The following PCLO variants were observed in gnomAD, a reference collection of about 807,000 sequenced individuals.
The protein encoded by PCLO is piccolo presynaptic cytomatrix protein.
In PCLO, 82 loss-of-function variants were observed where a neutral mutation model predicts 427.5. The observed-to-expected ratio is 0.19, with a 90% CI of 0.16 to 0.23. The LOEUF is 0.23. PCLO is among the 10% of genes least tolerant of loss of function. The pLI is 1.00. For missense variants in PCLO, 6,239 were observed against 6,115.9 expected (o/e 1.02, Z -0.67); for synonymous variants, 2,357 against 2,155.4 (o/e 1.09, Z -2.59).
At chr7:82,914,114 A>C (rs893396235) in intron 7 of PCLO, among the ~76,000 whole-genome samples, 1 of 151,928 alleles carries the variant, frequency 6.6e-6, no homozygotes, top group African/African-American at 2.4e-5. Flanking sequence ...GAAATCTTTT[A>C]TTTAAGGAAA....
chr7:83,046,589 C>T (rs1168695323), intron 3 of PCLO, among the ~76,000 whole-genome samples: 1 of 151,980 alleles, frequency 6.6e-6, no homozygotes, highest in Non-Finnish European at 1.5e-5. Context: ...GATCTTAATA[C>T]TATTTTGTTT....
chr7:82,897,122 AC>A (rs1793923502), intron 9 of PCLO, among the ~76,000 whole-genome samples: 1 of 151,636 alleles, frequency 6.6e-6, no homozygotes, highest in East Asian at 1.9e-4. Context: ...TACAGTAAGT[AC>A]AAGATTTTGT....
Position 82,756,486 on chromosome 7 carries a change from GT to G in PCLO, c.*2088del, listed in dbSNP as rs1790321088. 2 of 152,022 alleles carry G rather than the reference GT, an allele frequency of 1.3e-5. No individual in the cohort carries two copies. Among genetic ancestry groups the G allele is most frequent in the Admixed American group, 1.3e-4 (2 of 15,228 alleles). 9.4% of individuals were successfully genotyped at this position (152,022 alleles called of 1,614,324 possible). A position where few individuals can be genotyped will look rare whatever the true frequency, so the allele number is the denominator to read the frequency against. ...GGATTAAAAAATAGAGGGAAGAAAAGTTATGGTTATCTTTCTCAGTTTGGGG... is the reference window on the plus strand; with the variant it reads ...GGATTAAAAAATAGAGGGAAGAAAAGTATGGTTATCTTTCTCAGTTTGGGG... On this transcript the variant is annotated 3_prime_UTR_variant, in exon 25 of 25. Transcript: ENST00000333891.
intron 3 of PCLO, among the ~76,000 whole-genome samples, chr7:83,090,956 G>A (rs1790362783): frequency 6.6e-6 from 1 of 152,060 alleles, no homozygotes; most frequent in Admixed American, 6.5e-5. Context: ...TTTATATACA[G>A]TGTACTTTTT....
intron 3 of PCLO, among the ~76,000 whole-genome samples, chr7:83,021,225 C>T (rs1583915983): frequency 6.6e-6 from 1 of 152,218 alleles, no homozygotes; most frequent in South Asian, 2.1e-4. Flanking sequence ...AGGGTTTCTC[C>T]CATTTCCTTA....
intron 2 of PCLO, among the ~76,000 whole-genome samples, chr7:83,142,542 T>C (rs1791886939): frequency 6.6e-6 from 1 of 152,344 alleles, no homozygotes; most frequent in Non-Finnish European, 1.5e-5. Flanking sequence ...TCAATGAACA[T>C]CTGCTGTTTT....
intron 8 of PCLO, among the ~76,000 whole-genome samples, chr7:82,905,334 C>T (rs369928838): frequency 6.6e-6 from 1 of 152,008 alleles, no homozygotes; most frequent in East Asian, 1.9e-4. Context: ...CTTTACTTCA[C>T]ACACGGAAGA....
chr7:82,915,806 C>G lies in PCLO; in HGVS notation c.12180G>C (p.Ala4060=). The change falls in exon 7 of 25, where the codon GCG becomes GCC. Residue 4060 remains alanine, a synonymous_variant. Transcript: ENST00000333891. ...DDIGEITKGT[A]ALSTAFSLHE... ...GAAGGCTAAATGCGGTGCTTAATGC[C>G]GCTGTTCCTTTGGTGATCTCTCCAA... The G allele has an allele frequency of 6.2e-7, 1 of 1,612,846 alleles. No individual in the cohort carries two copies. The highest frequency in any genetic ancestry group is 1.7e-4 in the Middle Eastern group (1 of 6,052).
chr7:82,823,082 A>G (rs1791836786), intron 19 of PCLO, among the ~76,000 whole-genome samples: 1 of 152,170 alleles, frequency 6.6e-6, no homozygotes, highest in Admixed American at 6.5e-5. Context: ...TTAAGTGTGG[A>G]GATTGTAGAA....
chr7:83,128,462 G>A (rs1276235432), intron 3 of PCLO, among the ~76,000 whole-genome samples: 1 of 152,094 alleles, frequency 6.6e-6, no homozygotes, highest in Non-Finnish European at 1.5e-5. Context: ...CACGTGACCA[G>A]TGACTATTAT....
intron 22 of PCLO, among the ~76,000 whole-genome samples, chr7:82,795,022 C>A (rs1247005917): frequency 6.6e-6 from 1 of 151,710 alleles, no homozygotes; most frequent in Admixed American, 6.6e-5. Context: ...AGGAAATTGC[C>A]CCTCATATTC....
At chr7:83,153,087 T>C (rs1792177753) in intron 2 of PCLO, among the ~76,000 whole-genome samples, 1 of 151,816 alleles carries the variant, frequency 6.6e-6, no homozygotes, top group Admixed American at 6.6e-5. Context: ...TCTGAAGTCA[T>C]TATTACTTCA....
chr7:83,064,392 T>C (rs1411358280), intron 3 of PCLO, among the ~76,000 whole-genome samples: 7 of 151,828 alleles, frequency 4.6e-5, no homozygotes, highest in African/African-American at 1.7e-4. Context: ...AAACAACAGA[T>C]AGGACAAAGC....
Position 82,954,696 on chromosome 7 carries a change from G to C in PCLO, c.6257C>G (p.Pro2086Arg), listed in dbSNP as rs950600358. The C allele has an allele frequency of 1.9e-6, 3 of 1,613,864 alleles. No homozygotes were observed. The East Asian group carries it at 6.7e-5, about 36-fold the overall frequency. Reference protein sequence around the residue: ...LTPGSSPTQAPIGEDMTESTM... With the variant: ...LTPGSSPTQARIGEDMTESTM... ...GGACTCTGTCATATCCTCACCAATGGGGGCCTGGGTTGGGCTAGATCCAGG... is the reference window on the plus strand; with the variant it reads ...GGACTCTGTCATATCCTCACCAATGCGGGCCTGGGTTGGGCTAGATCCAGG... Residue 2086 changes from proline to arginine, a missense_variant, in exon 5 of 25, where the codon CCC (proline) becomes CGC (arginine). Transcript: ENST00000333891.
intron 16 of PCLO, among the ~76,000 whole-genome samples, chr7:82,828,855 A>C (rs1481360384): frequency 3.9e-5 from 6 of 152,114 alleles, no homozygotes; most frequent in Admixed American, 2.6e-4. Context: ...CTTATGTCTC[A>C]CGTTCTAAAT....
intron 8 of PCLO, 142 bp from the exon 9 acceptor site, chr7:82,902,883 A>G: frequency 1.7e-6 from 1 of 584,386 alleles, no homozygotes; most frequent in South Asian, 2.2e-5. Context: ...TGGCAATTTA[A>G]ACATCTTACA....
chr7:82,901,598 C>T (rs903045365), intron 9 of PCLO, among the ~76,000 whole-genome samples: 45 of 151,810 alleles, frequency 3.0e-4, no homozygotes, highest in South Asian at 6.2e-4. Context: ...ACTAAAGAGC[C>T]TCTGCACAGC....
chr7:82,814,775 C>G (rs1251374440), intron 20 of PCLO, among the ~76,000 whole-genome samples: 1 of 151,814 alleles, frequency 6.6e-6, no homozygotes, highest in African/African-American at 2.4e-5. Flanking sequence ...AGCAAAAAAG[C>G]AAATAACATG....
chr7:83,105,836 T>C (rs918224346), intron 3 of PCLO, among the ~76,000 whole-genome samples: 1 of 152,236 alleles, frequency 6.6e-6, no homozygotes, highest in Non-Finnish European at 1.5e-5. Context: ...AGCTGCCCTA[T>C]ATACAGTATC....
Sources: gnomAD v4.1 joint callset for allele counts (sites outside exome capture counted in the v4.1 genomes callset) on GRCh38, gnomAD v4.1.1 for gene constraint, MANE v1.5 for transcripts, NCBI Gene and HGNC (gene_info 2026-07-23, HGNC 2026-07-21) for gene names.